Variants in TTN observed in about 807,000 individuals in gnomAD.
The protein encoded by TTN is titin.
Under a neutral mutation model 3,223.0 loss-of-function variants are expected in TTN, and 1,525 were observed. The observed-to-expected ratio is 0.47, with a 90% CI of 0.45 to 0.49. The LOEUF is 0.49. Ranked by LOEUF, TTN falls within the 20% of genes least tolerant of loss-of-function variation. TTN has a pLI of 0.00. For synonymous variants in TTN, 14,094 were observed against 15,161.0 expected (o/e 0.93, Z 5.17); for missense variants, 40,786 against 43,424.0 (o/e 0.94, Z 5.40).
chr2:178,735,016 G>T, intron 50 of TTN, 28 bp from the exon 51 acceptor site: 1 of 1,502,550 alleles, frequency 6.7e-7, no homozygotes, highest in Non-Finnish European at 8.9e-7. Flanking sequence ...AAAAGAAAAA[G>T]GAGAAGATAT....
In TTN at chr2:178,620,028, C is replaced by G. The variant is rs267599050; in HGVS notation, c.46389G>C (p.Gly15463=). ...TAGCACGAGACTTCCTGTCTTCTAC[C>G]CCGCAAGCATATTCACACTCATCAT... ...RLDDECEYAC[G]VEDRKSRARL... The change falls in exon 249 of 363, where the codon GGG becomes GGC. Residue 15463 remains glycine, a synonymous_variant. Coordinates refer to ENST00000589042, the MANE Select transcript of TTN (RefSeq NM_001267550.2). The G allele has an allele frequency of 6.2e-7, 1 of 1,611,750 alleles. No individual in the cohort carries two copies.
intron 47 of TTN, chr2:178,744,869 T>G (rs2083186299): frequency 2.0e-6 from 2 of 985,258 alleles, no homozygotes; most frequent in Non-Finnish European, 2.4e-6. Context: ...AAAGATCTAT[T>G]TGCTTATTTT....
chr2:178,541,438 C>T lies in TTN; in HGVS notation c.97639G>A (p.Val32547Ile), dbSNP rs1694457387. Residue 32547 changes from valine (V) to isoleucine (I), a missense_variant, in exon 350 of 363, where the codon GTC becomes ATC. Coordinates refer to ENST00000589042, the MANE Select transcript of TTN (RefSeq NM_001267550.2). ...ERKEVRADRW[V>I]RVNKVPVTMT... is the part of the protein sequence containing the mutation. ...GTCACAGGTACTTTATTTACACGGA[C>T]CCATCGATCTGCTCTCACTTCTTTG... 6.2e-7 allele frequency: 1 copy of T among 1,613,430 alleles called. No individual in the cohort carries two copies. Among genetic ancestry groups the T allele is most frequent in the Non-Finnish European group, 8.5e-7 (1 of 1,179,592 alleles).
intron 47 of TTN, among the ~76,000 whole-genome samples, chr2:178,752,620 G>A (rs1481448518): frequency 6.6e-6 from 1 of 152,044 alleles, no homozygotes; most frequent in Non-Finnish European, 1.5e-5. Flanking sequence ...CAGTGTAAGA[G>A]ACATATCAAT....
At position 178,573,553 on chromosome 2, in the gene TTN, G is replaced by A. The variant is rs772498896; in HGVS notation, c.72579C>T (p.Tyr24193=). Residue 24193 remains tyrosine (Y), a synonymous_variant, in exon 326 of 363, where the codon TAC becomes TAT. Transcript: ENST00000589042. ...TATTTACAGCCATGACACGGAATAT[G>A]TATTCATTGCCTTTCAAGAGTTTAG... ...KVTKLLKGNE[Y]IFRVMAVNKY... The A allele has an allele frequency of 6.7e-7, 1 of 1,496,926 alleles. No homozygotes were observed. The highest frequency in any genetic ancestry group is 2.4e-5 in the Admixed American group (1 of 40,976). The allele number at this position is 1,496,926 out of a possible 1,614,324, so 92.7% of individuals were successfully genotyped here.
chr2:178,544,527 G>A (rs759047267), intron 344 of TTN, 21 bp from the exon 345 acceptor site: 2 of 1,569,488 alleles, frequency 1.3e-6, no homozygotes, highest in Non-Finnish European at 1.7e-6. Context: ...TAAAAAGTGA[G>A]ATGCAGATAT....
chr2:178,727,412 T>G (rs573886354), intron 68 of TTN, 41 bp from the exon 69 acceptor site: 7 of 1,522,700 alleles, frequency 4.6e-6, no homozygotes, highest in Non-Finnish European at 6.2e-6. Flanking sequence ...GGAACAGAAA[T>G]AAATAACAAT....
In TTN at chr2:178,611,591, C is replaced by G. The variant is rs1310555030; in HGVS notation, c.50638G>C (p.Gly16880Arg). 6.2e-7 allele frequency: 1 copy of G among 1,612,900 alleles called. No individual in the cohort carries two copies. The change falls in exon 269 of 363, where the codon GGT (glycine) becomes CGT (arginine). Residue 16880 changes from glycine to arginine, a missense_variant. By Grantham distance (125) the Gly-to-Arg change is moderately radical. Transcript: ENST00000589042. ...AIAWKPPEKN[G>R]GSPIIGYHVE... The stretch of plus-strand genomic sequence containing the variant: ...TGGTATCCTATGATAGGACTTCCAC[C>G]ATTTTTCTCTGGAGGCTTCCAAGCA...
chr2:178,751,639 C>G (rs768324323), intron 47 of TTN: 20 of 1,613,240 alleles, frequency 1.2e-5, no homozygotes, highest in Non-Finnish European at 1.7e-5. Flanking sequence ...ATTCTGCAGA[C>G]CCTTCACTAT....
chr2:178,681,135 A>AT lies in TTN; in HGVS notation c.33283dup (p.Ile11095AsnfsTer9). 3.7e-6 allele frequency: 6 copies of AT among 1,604,532 alleles called. No homozygotes were observed. The highest frequency in any genetic ancestry group is 5.1e-6 in the Non-Finnish European group (6 of 1,177,062). ...TTCACGTTTGGTAATTGAAATACGTATTTTTTCCTCAAAAACTTTCTTTGG... is the reference window on the plus strand; with the variant it reads ...TTCACGTTTGGTAATTGAAATACGTATTTTTTTCCTCAAAAACTTTCTTTGG... On this transcript the variant is annotated frameshift_variant, in exon 138 of 363. Transcript: ENST00000589042. LOFTEE classifies it high-confidence loss of function.
rs745801476 is a variant in TTN at position 178,568,148 on chromosome 2, C to A, written c.77984G>T (p.Gly25995Val). ...QYPYKEPGPP[G>V]TPFATAISKD... is the part of the protein sequence containing the mutation. ...GGAAATGGCTGTGGCAAATGGTGTA[C>A]CTGGAGGGCCTGGTTCTTTGTAGGG... The change falls in exon 326 of 363, where the codon GGT becomes GTT. Residue 25995 changes from glycine (G) to valine (V), a missense_variant. Transcript: ENST00000589042. 1.2e-6 allele frequency: 2 copies of A among 1,613,440 alleles called. No individual in the cohort carries two copies. Among genetic ancestry groups the A allele is most frequent in the South Asian group, 1.1e-5 (1 of 91,078 alleles).
intron 50 of TTN, among the ~76,000 whole-genome samples, chr2:178,735,198 C>T (rs1349368043): frequency 6.6e-6 from 1 of 152,144 alleles, no homozygotes; most frequent in Non-Finnish European, 1.5e-5. Flanking sequence ...AATAAACAGA[C>T]TACCTACACA....
Position 178,590,355 on chromosome 2 carries a change from T to G in TTN, c.61370A>C (p.Glu20457Ala), listed in dbSNP as rs541930965. 1.3e-5 allele frequency: 21 copies of G among 1,575,626 alleles called. No homozygotes were observed. In the South Asian group the frequency reaches 2.5e-4, roughly 19 times the overall value. The change falls in exon 304 of 363, where the codon GAG becomes GCG. Residue 20457 changes from glutamate (E) to alanine (A), a missense_variant. Transcript: ENST00000589042. ...IKAANIVGEG[E>A]PRELAESVIA... ...CACAGATTCTGCTAGTTCTCTTGGCTCACCCTCTCCTACAATATTAGCTGC... is the reference window on the plus strand; with the variant it reads ...CACAGATTCTGCTAGTTCTCTTGGCGCACCCTCTCCTACAATATTAGCTGC...
In TTN at chr2:178,615,607, A is replaced by G. The variant is rs1322935734; in HGVS notation, c.48460+34T>C. The G allele has an allele frequency of 1.9e-6, 3 of 1,610,694 alleles. No homozygotes were observed. The African/African-American group carries it at 4.0e-5, about 22-fold the overall frequency. On this transcript the variant is annotated intron_variant, in intron 258 of 362. Transcript: ENST00000589042. ...GGTCTAAAAGCAAAAACAGGCAACA[A>G]GATTAGGTAAGAAATCATCAAGAAT...
intron 292 of TTN, 151 bp downstream of exon 292, chr2:178,598,355 A>T: frequency 9.9e-7 from 1 of 1,013,128 alleles, no homozygotes; most frequent in Non-Finnish European, 1.4e-6. Context: ...GATTTCTGAC[A>T]TTAACAGATG....
At chr2:178,799,406 G>C in intron 6 of TTN, 81 bp downstream of exon 6, 1 of 1,606,400 alleles carries the variant, frequency 6.2e-7, no homozygotes, top group Non-Finnish European at 8.5e-7. Context: ...CATGCCCTGC[G>C]AGGGGGACAA....
At chr2:178,670,163 A>G in intron 157 of TTN, 55 bp downstream of exon 157, 1 of 1,169,906 alleles carries the variant, frequency 8.5e-7, no homozygotes. Context: ...TCTCTTACAT[A>G]GTAAGTGAAT....
chr2:178,595,768 G>C lies in TTN; in HGVS notation c.57586C>G (p.Leu19196Val), dbSNP rs397517630. 224 of 1,608,322 alleles carry C rather than the reference G, an allele frequency of 1.4e-4. No homozygotes were observed. The Middle Eastern group carries it at 7.9e-3, about 57-fold the overall frequency. ...GTCAGTTTGCAGGACTCATTGGTTA[G>C]GTTGTGAGCTAGGAATGGTGTTCCA... ...PVGTPFLAHNLTNESCKLTWF... is the reference protein window; with the variant it reads ...PVGTPFLAHNVTNESCKLTWF... Residue 19196 changes from leucine to valine, a missense_variant, in exon 295 of 363, where the codon CTA becomes GTA. Coordinates refer to ENST00000589042, the MANE Select transcript of TTN (RefSeq NM_001267550.2).
chr2:178,593,004 A>G lies in TTN; in HGVS notation c.59115T>C (p.Arg19705=). 1 of 1,613,438 alleles carries G rather than the reference A, an allele frequency of 6.2e-7. No individual in the cohort carries two copies. Among genetic ancestry groups the G allele is most frequent in the Non-Finnish European group, 8.5e-7 (1 of 1,179,602 alleles). The part of the protein sequence containing the change: ...NSVDLTWQPP[R]HDGGSKILGY... Reference sequence around the variant, plus strand: ...CCAGAATCTTGCTCCCACCATCATGACGTGGTGGCTGCCAAGTTAGATCGA... The same window carrying G: ...CCAGAATCTTGCTCCCACCATCATGGCGTGGTGGCTGCCAAGTTAGATCGA... The change falls in exon 300 of 363, where the codon CGT becomes CGC. Residue 19705 remains arginine, a synonymous_variant. Transcript: ENST00000589042.
Sources: gnomAD v4.1 joint callset for allele counts (sites outside exome capture counted in the v4.1 genomes callset) on GRCh38, gnomAD v4.1.1 for gene constraint, MANE v1.5 for transcripts, NCBI Gene and HGNC (gene_info 2026-07-23, HGNC 2026-07-21) for gene names.